Variants in TXNRD2 observed in about 807,000 individuals in gnomAD.
TXNRD2 encodes thioredoxin reductase 2, mitochondrial.
Under a neutral mutation model 70.8 loss-of-function variants are expected in TXNRD2, and 67 were observed. The observed-to-expected ratio is 0.95, with a 90% CI of 0.78 to 1.16. TXNRD2 has a LOEUF of 1.16. TXNRD2 is among the 50% of genes most tolerant of loss of function. The pLI is 0.00. For missense variants in TXNRD2, 644 were observed against 719.9 expected, an observed-to-expected ratio of 0.89 and a Z score of 1.21; for synonymous variants, 301 against 295.8, an observed-to-expected ratio of 1.02 and a Z score of -0.18.
At position 19,931,161 on chromosome 22, in the gene TXNRD2, T is replaced by A. The variant is rs1941345622; in HGVS notation, c.104-63A>T. ...CTGGTTAAACGTGGTACAGGATCAA[T>A]TTTATCAGGATTGGACACTCCATTC... On this transcript the variant is annotated intron_variant, in intron 1 of 17. Coordinates refer to ENST00000400521, the MANE Select transcript of TXNRD2 (RefSeq NM_006440.5). 5.4e-6 allele frequency: 8 copies of A among 1,492,156 alleles called. No homozygotes were observed. The African/African-American group carries it at 1.1e-4, about 21-fold the overall frequency. The allele number at this position is 1,492,156 out of a possible 1,614,324, so 92.4% of individuals were successfully genotyped here. A position where few individuals can be genotyped will look rare whatever the true frequency, so the allele number is the denominator to read the frequency against.
At chr22:19,922,994 A>G (rs1940975337) in intron 2 of TXNRD2, among the ~76,000 whole-genome samples, 5 of 152,074 alleles carry the variant, frequency 3.3e-5, no homozygotes, top group Admixed American at 2.0e-4. Context: ...GCCAGGAAGG[A>G]TATTATATGC....
At chr22:19,883,720 G>A (rs535353848) in intron 11 of TXNRD2, 8 of 469,452 alleles carry the variant, frequency 1.7e-5, no homozygotes, top group African/African-American at 7.9e-5. Flanking sequence ...TTGGGAGGCC[G>A]AGGCAAGTGG....
At chr22:19,907,689 G>A (rs71312718) in intron 8 of TXNRD2, among the ~76,000 whole-genome samples, 8 of 41,220 alleles carry the variant, frequency 1.9e-4, no homozygotes, top group African/African-American at 2.9e-4. Context: ...GAGTGTGGGC[G>A]CCGTGGGTAG....
At chr22:19,925,509 C>T (rs775017819) in intron 2 of TXNRD2, among the ~76,000 whole-genome samples, 9 of 151,396 alleles carry the variant, frequency 5.9e-5, no homozygotes, top group Admixed American at 1.3e-4. Flanking sequence ...TTTTCTCACA[C>T]GATTTAAGTA....
chr22:19,925,946 C>T (rs924873657), intron 2 of TXNRD2, among the ~76,000 whole-genome samples: 13 of 152,166 alleles, frequency 8.5e-5, no homozygotes, highest in Non-Finnish European at 1.5e-4. Context: ...GCGGGTGGAT[C>T]ACCTGAGGTC....
chr22:19,928,807 G>A (rs1355742738), intron 2 of TXNRD2, among the ~76,000 whole-genome samples: 2 of 151,912 alleles, frequency 1.3e-5, no homozygotes, highest in Non-Finnish European at 2.9e-5. Flanking sequence ...AGAAGTTCGA[G>A]ACCAGCTTGA....
intron 8 of TXNRD2, among the ~76,000 whole-genome samples, chr22:19,901,466 G>A (rs1190346165): frequency 2.6e-5 from 4 of 152,168 alleles, no homozygotes; most frequent in African/African-American, 7.2e-5. Flanking sequence ...CTCACGTCTC[G>A]CTCGTGTGGA....
At chr22:19,925,665 C>A (rs1300861773) in intron 2 of TXNRD2, among the ~76,000 whole-genome samples, 1 of 151,514 alleles carries the variant, frequency 6.6e-6, no homozygotes, top group African/African-American at 2.4e-5. Context: ...AAGGTACATG[C>A]CATAAACCCT....
At chr22:19,927,965 C>T (rs1288329366) in intron 2 of TXNRD2, among the ~76,000 whole-genome samples, 4 of 151,918 alleles carry the variant, frequency 2.6e-5, no homozygotes, top group Admixed American at 6.6e-5. Context: ...ATGTGAAAGA[C>T]GTAGACATTG....
rs1228048652 is a variant in TXNRD2, at chr22:19,920,451, T to C, written c.173-852A>G. On this transcript the variant is annotated intron_variant, in intron 2 of 17. Transcript: ENST00000400521. The stretch of plus-strand genomic sequence containing the variant: ...TTAAAAAATTGGCCAGGTGTGGTGG[T>C]GCAAGCCTGTAGCCCCAGCTACCCG... Among the ~76,000 whole-genome samples the C allele has an allele frequency of 4.6e-5, 7 of 152,192 alleles. No homozygotes were observed. In the South Asian group the frequency reaches 8.3e-4, roughly 18 times the overall value.
chr22:19,934,384 A>C (rs1255029989), intron 1 of TXNRD2, among the ~76,000 whole-genome samples: 1 of 121,804 alleles, frequency 8.2e-6, no homozygotes, highest in Non-Finnish European at 1.7e-5. Context: ...CTGTCTCAGA[A>C]AAAAAAAAAA....
rs756827231 is a variant in TXNRD2 at position 19,876,786 on chromosome 22, G to A, written c.*65+254C>T. 8.1e-5 allele frequency: 20 copies of A among 246,608 alleles called. 1 individual carries two copies. Among genetic ancestry groups the A allele is most frequent in the South Asian group, 4.7e-4 (3 of 6,358 alleles). 15.3% of individuals were successfully genotyped at this position (246,608 alleles called of 1,614,324 possible). On this transcript the variant is annotated intron_variant, in intron 17 of 17. Coordinates refer to ENST00000400521, the MANE Select transcript of TXNRD2 (RefSeq NM_006440.5). ...GGATAGGCTGCTAAGGATGAGCCCC[G>A]TTTCTTGATACCTCCTGTGTGTGGG...
intron 11 of TXNRD2, 169 bp from the exon 12 acceptor site, chr22:19,883,630 G>A: frequency 2.2e-6 from 2 of 892,828 alleles, no homozygotes; most frequent in Non-Finnish European, 3.5e-6. Flanking sequence ...CTGAGGTCAT[G>A]AGTTCGAGAC....
intron 1 of TXNRD2, 59 bp downstream of exon 1, chr22:19,941,642 C>A (rs1314971638): frequency 7.1e-7 from 1 of 1,405,806 alleles, no homozygotes; most frequent in Non-Finnish European, 9.2e-7. Context: ...CGGACACCCT[C>A]ACGAGGACAC....
intron 8 of TXNRD2, among the ~76,000 whole-genome samples, chr22:19,909,718 GCACACACACCACTCA>G (rs1182630428): frequency 5.5e-5 from 2 of 36,090 alleles, no homozygotes; most frequent in Non-Finnish European, 5.2e-5. Context: ...CACACACCAC[GCACACACACCACTCA>G]CACACACACC....
intron 1 of TXNRD2, chr22:19,932,286 AC>A: frequency 6.2e-7 from 1 of 1,610,776 alleles, no homozygotes; most frequent in Non-Finnish European, 8.5e-7. Flanking sequence ...CACCCTGGGC[AC>A]AGGGAGAGCT....
chr22:19,886,273 C>T (rs1405048943), intron 11 of TXNRD2, among the ~76,000 whole-genome samples: 2 of 152,354 alleles, frequency 1.3e-5, no homozygotes, highest in Admixed American at 1.3e-4. Context: ...GGTGGGGCCA[C>T]GTCCCTAGCC....
rs183309309 is a variant in TXNRD2 at position 19,911,688 on chromosome 22, C to T, written c.592-241G>A. Among the ~76,000 whole-genome samples, 4 of 152,300 alleles carry T rather than the reference C, an allele frequency of 2.6e-5. No homozygotes were observed. In the East Asian group the frequency reaches 7.7e-4, roughly 29 times the overall value. Reference sequence around the variant, plus strand: ...TGCCCTCGCAGGGTACCTTTCCCCTCTGTTCCCCAGGACCCTCCCCTTGAC... The same window carrying T: ...TGCCCTCGCAGGGTACCTTTCCCCTTTGTTCCCCAGGACCCTCCCCTTGAC... On this transcript the variant is annotated intron_variant, in intron 7 of 17. Transcript: ENST00000400521.
intron 8 of TXNRD2, among the ~76,000 whole-genome samples, chr22:19,899,284 G>T (rs1939663631): frequency 6.6e-6 from 1 of 152,230 alleles, no homozygotes; most frequent in East Asian, 1.9e-4. Context: ...GTGGTGAAGG[G>T]CGTGTGTGTC....
Sources: allele counts gnomAD v4.1 joint callset (sites outside exome capture counted in the v4.1 genomes callset), GRCh38; gene constraint gnomAD v4.1.1; transcripts MANE v1.5; gene names NCBI Gene and HGNC (gene_info 2026-07-23, HGNC 2026-07-21).